Variants in ATP10B observed in about 807,000 individuals in gnomAD.
ATP10B encodes ATPase phospholipid transporting 10B (putative), also known as phospholipid-transporting ATPase VB.
Under a neutral mutation model 141.2 loss-of-function variants are expected in ATP10B, and 122 were observed. That is an observed-to-expected ratio of 0.86 (90% confidence interval 0.75 to 1.00). ATP10B has a LOEUF of 1.00. Ranked by LOEUF, ATP10B falls within the 50% of genes least tolerant of loss-of-function variation. The pLI, the probability that ATP10B is intolerant of heterozygous loss-of-function variation, is 0.00. For missense variants in ATP10B, 1,876 were observed against 1,825.3 expected (o/e 1.03, Z -0.51); for synonymous variants, 685 against 692.0 (o/e 0.99, Z 0.16).
At chr5:160,780,060 C>A (rs189888857) in intron 2 of ATP10B, among the ~76,000 whole-genome samples, 1 of 152,170 alleles carries the variant, frequency 6.6e-6, no homozygotes, top group Non-Finnish European at 1.5e-5. Context: ...TGTAATATTC[C>A]TTTAATGGGA....
chr5:160,769,897 A>C (rs2127854098), intron 2 of ATP10B, among the ~76,000 whole-genome samples: 1 of 152,322 alleles, frequency 6.6e-6, no homozygotes, highest in African/African-American at 2.4e-5. Flanking sequence ...CAAGTCGTAC[A>C]GTTCATGATT....
At chr5:160,778,962 C>A (rs532307439) in intron 2 of ATP10B, among the ~76,000 whole-genome samples, 2 of 152,158 alleles carry the variant, frequency 1.3e-5, no homozygotes, top group Non-Finnish European at 2.9e-5. Context: ...TAGTAGTAGG[C>A]GTCTTAAGAG....
At chr5:160,598,649 C>A (rs894517903) in intron 22 of ATP10B, 121 bp downstream of exon 22, 7 of 845,108 alleles carry the variant, frequency 8.3e-6, no homozygotes, top group Non-Finnish European at 1.3e-5. Flanking sequence ...AATGATGGAA[C>A]AGTGGTCAGA....
intron 1 of ATP10B, among the ~76,000 whole-genome samples, chr5:160,790,339 T>C (rs1382298854): frequency 1.3e-5 from 2 of 152,170 alleles, no homozygotes; most frequent in East Asian, 3.9e-4. Flanking sequence ...TCAGTGTTGA[T>C]TAGGCTATTT....
At chr5:160,626,252 T>G (rs1224057914) in intron 13 of ATP10B, among the ~76,000 whole-genome samples, 1 of 152,240 alleles carries the variant, frequency 6.6e-6, no homozygotes, top group Non-Finnish European at 1.5e-5. Context: ...ACTAGTTGGA[T>G]TTCTTTCCAT....
intron 8 of ATP10B, among the ~76,000 whole-genome samples, chr5:160,644,485 T>C (rs922687726): frequency 3.9e-5 from 6 of 152,048 alleles, no homozygotes; most frequent in African/African-American, 7.2e-5. Context: ...CCTGAGAAAA[T>C]TGTCCCATTT....
the ATP10B span, among the ~76,000 whole-genome samples, chr5:160,891,759 C>T: frequency 6.6e-6 from 1 of 152,114 alleles, no homozygotes; most frequent in African/African-American, 2.4e-5. Context: ...TTAAATGACC[C>T]CTTGCAGTGA....
chr5:160,842,672 T>C (rs539440707), intron 1 of ATP10B, among the ~76,000 whole-genome samples: 1 of 152,056 alleles, frequency 6.6e-6, no homozygotes, highest in Admixed American at 6.5e-5. Context: ...TATCAATAAA[T>C]TTAAAAATTT....
chr5:160,778,941 A>C (rs1770528927), intron 2 of ATP10B, among the ~76,000 whole-genome samples: 1 of 152,212 alleles, frequency 6.6e-6, no homozygotes, highest in Non-Finnish European at 1.5e-5. Context: ...TCACTTGCAA[A>C]AATGGGATAA....
chr5:160,773,703 T>C (rs575962964), intron 2 of ATP10B, among the ~76,000 whole-genome samples: 1 of 152,354 alleles, frequency 6.6e-6, no homozygotes, highest in Admixed American at 6.5e-5. Flanking sequence ...CCATTTATTC[T>C]TCAGCAGTGT....
the ATP10B span, among the ~76,000 whole-genome samples, chr5:160,864,088 T>G: frequency 6.6e-6 from 1 of 151,972 alleles, no homozygotes; most frequent in Non-Finnish European, 1.5e-5. Flanking sequence ...AGTTATTCTA[T>G]AAAATCAGTA....
At chr5:160,628,007 A>T (rs1228324781) in intron 13 of ATP10B, among the ~76,000 whole-genome samples, 2 of 152,146 alleles carry the variant, frequency 1.3e-5, no homozygotes, top group Non-Finnish European at 2.9e-5. Context: ...TTATGGCAAC[A>T]TTTTCCTGGT....
intron 19 of ATP10B, among the ~76,000 whole-genome samples, chr5:160,606,183 T>G (rs1395856511): frequency 6.6e-6 from 1 of 152,190 alleles, no homozygotes; most frequent in Non-Finnish European, 1.5e-5. Context: ...GTTAAGTAAG[T>G]GCAGTTTTCA....
the ATP10B span, among the ~76,000 whole-genome samples, chr5:160,874,623 T>A: frequency 6.6e-6 from 1 of 151,830 alleles, no homozygotes; most frequent in Non-Finnish European, 1.5e-5. Context: ...GGCAAAGAAG[T>A]TGAAAACTTT....
chr5:160,768,078 TCTTC>T (rs1769609632), intron 2 of ATP10B, among the ~76,000 whole-genome samples: 1 of 152,144 alleles, frequency 6.6e-6, no homozygotes, highest in Non-Finnish European at 1.5e-5. Flanking sequence ...GTAGGTAGTC[TCTTC>T]CTTTCCTCCA....
chr5:160,727,105 T>C (rs914032122), intron 2 of ATP10B, among the ~76,000 whole-genome samples: 1 of 152,238 alleles, frequency 6.6e-6, no homozygotes, highest in Non-Finnish European at 1.5e-5. Flanking sequence ...TGAGGCTGTG[T>C]CACGGATGGG....
chr5:160,754,416 T>C (rs1768370689), intron 2 of ATP10B, among the ~76,000 whole-genome samples: 1 of 152,122 alleles, frequency 6.6e-6, no homozygotes, highest in South Asian at 2.1e-4. Flanking sequence ...ACAAATAAGC[T>C]TTCAGGACAT....
intron 2 of ATP10B, among the ~76,000 whole-genome samples, chr5:160,717,517 G>T (rs1208895980): frequency 6.6e-6 from 1 of 152,170 alleles, no homozygotes; most frequent in African/African-American, 2.4e-5. Context: ...GGGACAGTTT[G>T]TTCCAAAGTG....
rs192116348 is a variant in ATP10B at position 160,832,963 on chromosome 5, C to A, written c.-576+18978G>T. Among the ~76,000 whole-genome samples the A allele has an allele frequency of 3.3e-3, 510 of 152,256 alleles. 2 individuals carry two copies. The highest frequency in any genetic ancestry group is 5.6e-3 in the Non-Finnish European group (380 of 68,006). ...TCTGCAGTCACTCGTCACTCTCCAACCCTTTTCATGGCATGTGTGCCAAGT... is the reference window on the plus strand; with the variant it reads ...TCTGCAGTCACTCGTCACTCTCCAAACCTTTTCATGGCATGTGTGCCAAGT... On this transcript the variant is annotated intron_variant, in intron 1 of 25. Transcript: ENST00000327245.
Sources: gnomAD v4.1 joint callset for allele counts (sites outside exome capture counted in the v4.1 genomes callset) on GRCh38, gnomAD v4.1.1 for gene constraint, MANE v1.5 for transcripts, NCBI Gene and HGNC (gene_info 2026-07-23, HGNC 2026-07-21) for gene names.